NXN: variants seen among roughly 807,000 people sequenced by gnomAD.
NXN encodes the protein nucleoredoxin 1.
A neutral mutation model predicts 48.6 loss-of-function variants in NXN; 16 were observed. That is an observed-to-expected ratio of 0.33 (90% CI 0.22 to 0.50). The LOEUF (loss-of-function observed/expected upper bound fraction) is 0.50, where lower values mean the gene tolerates loss of function less well. NXN is among the 20% of genes least tolerant of loss of function. NXN has a pLI of 0.98. For missense variants in NXN, 492 were observed against 605.5 expected (o/e 0.81, Z 1.97); for synonymous variants, 281 against 269.6 (o/e 1.04, Z -0.41).
At chr17:926,194 C>T (rs1026775838) in intron 1 of NXN, among the ~76,000 whole-genome samples, 2 of 152,098 alleles carry the variant, frequency 1.3e-5, no homozygotes, top group African/African-American at 4.8e-5. Context: ...TCTCCTCCTT[C>T]CCTCTTTCAA....
chr17:818,786 G>A (rs1191353630), intron 5 of NXN, among the ~76,000 whole-genome samples: 10 of 151,890 alleles, frequency 6.6e-5, no homozygotes, highest in Non-Finnish European at 1.2e-4. Flanking sequence ...TGGGGAGGCT[G>A]AGGCAGGAGA....
intron 5 of NXN, among the ~76,000 whole-genome samples, chr17:812,949 AGTGTAGGTGTGCATGTTTGTAGGTGT>A (rs1459546156): frequency 1.4e-5 from 2 of 144,200 alleles, no homozygotes; most frequent in Non-Finnish European, 3.0e-5. Context: ...CATATGTGTG[AGTGTAGGTGTGCATGTTTGTAGGTGT>A]GTGTGCACAT....
At chr17:833,849 G>A (rs189873033) in intron 1 of NXN, among the ~76,000 whole-genome samples, 10 of 152,138 alleles carry the variant, frequency 6.6e-5, no homozygotes, top group South Asian at 4.2e-4. Context: ...AGGATCTGCC[G>A]AAAACCTAAG....
At chr17:879,314 G>C (rs969507956) in intron 1 of NXN, among the ~76,000 whole-genome samples, 1 of 147,314 alleles carries the variant, frequency 6.8e-6, no homozygotes, top group Admixed American at 6.9e-5. Context: ...TTTTGAGACA[G>C]AGTCTCACTC....
At chr17:875,985 C>T (rs1337645755) in intron 1 of NXN, among the ~76,000 whole-genome samples, 1 of 151,982 alleles carries the variant, frequency 6.6e-6, no homozygotes, top group Non-Finnish European at 1.5e-5. Flanking sequence ...AGATCAAGAC[C>T]ATCCTGGCTA....
chr17:882,994 T>C (rs2144841614), intron 1 of NXN, among the ~76,000 whole-genome samples: 1 of 152,272 alleles, frequency 6.6e-6, no homozygotes, highest in Middle Eastern at 3.4e-3. Context: ...CCTCAGGTGA[T>C]CTGTTCATCT....
intron 1 of NXN, among the ~76,000 whole-genome samples, chr17:891,779 G>GGGAACCCAAGCTAACCCCACCATGCAC (rs1567851221): frequency 1.3e-5 from 1 of 75,070 alleles, no homozygotes; most frequent in Admixed American, 1.3e-4. Flanking sequence ...CCACCATGCA[G>GGGAACCCAAGCTAACCCCACCATGCAC]AACCCAACAG....
intron 1 of NXN, among the ~76,000 whole-genome samples, chr17:855,521 T>G (rs1194190676): frequency 6.6e-6 from 1 of 152,182 alleles, no homozygotes; most frequent in African/African-American, 2.4e-5. Context: ...TTAAGTTCTA[T>G]TCACGAACAG....
In NXN at chr17:841,430, A is replaced by G. The variant is rs1342302645; in HGVS notation, c.361-15352T>C. Among the ~76,000 whole-genome samples the G allele has an allele frequency of 2.8e-3, 288 of 104,414 alleles. 5 individuals are homozygous for G. The highest frequency in any genetic ancestry group is 7.2e-3 in the South Asian group (20 of 2,786). 68.5% of individuals were successfully genotyped at this position (104,414 alleles called of 152,430 possible). On this transcript the variant is annotated intron_variant, in intron 1 of 7. Transcript: ENST00000336868. ...CCCCCCTGACCACGGCGCATCTCACACGGGCGAGCAGGTCCCCCTGACCAC... is the reference window on the plus strand; with the variant it reads ...CCCCCCTGACCACGGCGCATCTCACGCGGGCGAGCAGGTCCCCCTGACCAC...
Position 956,668 on chromosome 17 carries a change from G to T in NXN, c.360+22651C>A, listed in dbSNP as rs979611950. On this transcript the variant is annotated intron_variant, in intron 1 of 7. Coordinates refer to ENST00000336868, the MANE Select transcript of NXN (RefSeq NM_022463.5). This position sits in a 1 kb window ranked among gnomAD's most constrained non-coding sequence, Gnocchi z 4.1. ...GACCTCAGGTGATCCGTCCACCTCA[G>T]CCTCCCAAAGTGCTGGGATTACAGG... 3.9e-5 allele frequency among the ~76,000 whole-genome samples: 6 copies of T among 152,186 alleles called. No homozygotes were observed. Among genetic ancestry groups the T allele is most frequent in the African/African-American group, 1.4e-4 (6 of 41,436 alleles).
Position 917,657 on chromosome 17 carries a change from C to T in NXN, c.360+61662G>A, listed in dbSNP as rs2068701933. Among the ~76,000 whole-genome samples, 1 of 152,234 alleles carries T rather than the reference C, an allele frequency of 6.6e-6. No individual in the cohort carries two copies. The highest frequency in any genetic ancestry group is 6.5e-5 in the Admixed American group (1 of 15,284). On this transcript the variant is annotated intron_variant, in intron 1 of 7. Transcript: ENST00000336868. The surrounding 1 kb of genome is among the most constrained non-coding windows in gnomAD (Gnocchi z 4.5). The stretch of plus-strand genomic sequence containing the variant: ...TCAGACGCACGTCACCATCTCAACC[C>T]AATGTAGGCCACCCGCTGCAGGCGA...
chr17:803,847 G>T, intron 6 of NXN, 41 bp from the exon 7 acceptor site: 1 of 1,611,364 alleles, frequency 6.2e-7, no homozygotes, highest in Non-Finnish European at 8.5e-7. Flanking sequence ...GGGAGAAAAA[G>T]CACTGGCTTG....
chr17:908,491 G>A (rs577065996), intron 1 of NXN, among the ~76,000 whole-genome samples: 1 of 152,216 alleles, frequency 6.6e-6, no homozygotes, highest in East Asian at 1.9e-4. Flanking sequence ...AACTGAGATT[G>A]TGCCGTTGCA....
chr17:805,117 G>T lies in NXN; in HGVS notation c.951C>A (p.Asp317Glu). Reference sequence around the variant, plus strand: ...CCTCGTTAAGCTGCGCGGCGTTGGAGTCGGAGAGCTCCAGCACGGGCTTGG... The same window carrying T: ...CCTCGTTAAGCTGCGCGGCGTTGGATTCGGAGAGCTCCAGCACGGGCTTGG... ...WHPKPVLELS[D>E]SNAAQLNEGP... Residue 317 changes from aspartate to glutamate, a missense_variant, in exon 6 of 8, where the codon GAC becomes GAA. Physicochemically the swap from Asp to Glu is conservative, Grantham distance 45. This residue lies in a region of NXN where 303 missense variants were observed against 388.3 expected (regional missense o/e 0.78). Transcript: ENST00000336868. 2 of 1,610,406 alleles carry T rather than the reference G, an allele frequency of 1.2e-6. No homozygotes were observed. Among genetic ancestry groups the T allele is most frequent in the Non-Finnish European group, 1.7e-6 (2 of 1,178,950 alleles).
intron 1 of NXN, chr17:896,927 T>TC: frequency 8.0e-7 from 1 of 1,250,068 alleles, no homozygotes; most frequent in South Asian, 1.3e-5. Flanking sequence ...ATATTCTTCT[T>TC]TTTTTCCCAA....
chr17:940,139 G>A (rs965449978), intron 1 of NXN, among the ~76,000 whole-genome samples: 3 of 150,992 alleles, frequency 2.0e-5, no homozygotes, highest in Non-Finnish European at 4.4e-5. Context: ...GAGGTGGGGG[G>A]GTCTCAGTAT....
chr17:886,281 T>G (rs1228520455), intron 1 of NXN, among the ~76,000 whole-genome samples: 6 of 152,114 alleles, frequency 3.9e-5, no homozygotes, highest in South Asian at 2.1e-4. Context: ...CTGCTGACAT[T>G]GCTTTGGCTT....
In NXN at chr17:825,437, C is replaced by T. The variant is rs148330551; in HGVS notation, c.478+524G>A. 771 of 156,874 alleles carry T rather than the reference C, an allele frequency of 4.9e-3. 3 individuals carry two copies. Among genetic ancestry groups the T allele is most frequent in the Non-Finnish European group, 6.5e-3 (460 of 70,634 alleles). 9.7% of individuals were successfully genotyped at this position (156,874 alleles called of 1,614,324 possible). On this transcript the variant is annotated intron_variant, in intron 2 of 7. Coordinates refer to ENST00000336868, the MANE Select transcript of NXN (RefSeq NM_022463.5). The surrounding 1 kb of genome is among the most constrained non-coding windows in gnomAD (Gnocchi z 4.1). Reference sequence around the variant, plus strand: ...AAGACGCCACGCGGACGGCCCTGAGCGGGGCGGCTGGAGGAGCACAGCCCA... The same window carrying T: ...AAGACGCCACGCGGACGGCCCTGAGTGGGGCGGCTGGAGGAGCACAGCCCA...
At chr17:805,354 C>T in intron 5 of NXN, 107 bp from the exon 6 acceptor site, 7 of 1,180,188 alleles carry the variant, frequency 5.9e-6, no homozygotes, top group Non-Finnish European at 8.2e-6. Context: ...TGGTGGAGCC[C>T]ACCGAGGACC....
Sources: allele counts gnomAD v4.1 joint callset (sites outside exome capture counted in the v4.1 genomes callset), GRCh38; gene constraint gnomAD v4.1.1; regional missense constraint gnomAD v4.1.1; non-coding constraint Gnocchi (gnomAD v3.1); transcripts MANE v1.5; gene names NCBI Gene and HGNC (gene_info 2026-07-23, HGNC 2026-07-21).